The following ARPP21 variants were observed in gnomAD, a reference collection of about 807,000 sequenced individuals.
ARPP21 encodes the protein cAMP regulated phosphoprotein 21.
A neutral mutation model predicts 113.2 loss-of-function variants in ARPP21; 69 were observed. That is an observed-to-expected ratio of 0.61 (90% CI 0.50 to 0.74). The LOEUF (loss-of-function observed/expected upper bound fraction) is 0.74. Among genes scored for constraint, ARPP21 ranks in the 30% least tolerant of loss-of-function variants. ARPP21 has a pLI of 0.00. For synonymous variants in ARPP21, 368 were observed against 375.5 expected (o/e 0.98, Z 0.23); for missense variants, 1,070 against 1,037.4 (o/e 1.03, Z -0.43).
At chr3:35,789,796 T>C (rs1196672269) in intron 19 of ARPP21, among the ~76,000 whole-genome samples, 1 of 152,178 alleles carries the variant, frequency 6.6e-6, no homozygotes, top group Non-Finnish European at 1.5e-5. Context: ...TTAAATATTA[T>C]TTAATATTAA....
intron 3 of ARPP21, chr3:35,682,539 C>A: frequency 3.4e-6 from 1 of 294,518 alleles, no homozygotes; most frequent in South Asian, 1.1e-4. Flanking sequence ...CTTTATATAC[C>A]AACAGTTAAC....
At chr3:35,667,320 G>A (rs2074628266) in intron 1 of ARPP21, among the ~76,000 whole-genome samples, 1 of 152,172 alleles carries the variant, frequency 6.6e-6, no homozygotes, top group Non-Finnish European at 1.5e-5. Flanking sequence ...ATTTGTGGTA[G>A]TGATAATGAT....
At chr3:35,739,073 A>C (rs989865377) in intron 17 of ARPP21, among the ~76,000 whole-genome samples, 1 of 152,334 alleles carries the variant, frequency 6.6e-6, no homozygotes, top group African/African-American at 2.4e-5. Flanking sequence ...TTTCCATTGA[A>C]AGAGAAATAT....
chr3:35,746,362 AAC>A (rs2095048844), intron 19 of ARPP21, among the ~76,000 whole-genome samples: 1 of 152,186 alleles, frequency 6.6e-6, no homozygotes, highest in South Asian at 2.1e-4. Flanking sequence ...TAGGGAGACT[AAC>A]AGAAACTTTC....
chr3:35,713,765 A>T lies in ARPP21; in HGVS notation c.898-1674A>T, dbSNP rs906897276. 2.0e-5 allele frequency among the ~76,000 whole-genome samples: 3 copies of T among 152,146 alleles called. No individual in the cohort carries two copies. The East Asian group carries it at 5.8e-4, about 29-fold the overall frequency. ...GTTTGGGGTTCTTAACTCTCCCCCA[A>T]ATGCTATTAGATTGAGTCTAAAGAG... is the stretch of plus-strand genomic sequence containing the variant. On this transcript the variant is annotated intron_variant, in intron 11 of 20. Transcript: ENST00000684406.
At chr3:35,708,253 A>G (rs2089923873) in intron 10 of ARPP21, among the ~76,000 whole-genome samples, 1 of 152,114 alleles carries the variant, frequency 6.6e-6, no homozygotes, top group Admixed American at 6.6e-5. Context: ...ATGGAAGGAG[A>G]CTTAAGATGC....
Position 35,793,730 on chromosome 3 carries a change from G to A in ARPP21, c.2316G>A (p.Leu772=), listed in dbSNP as rs2096793071. The part of the protein sequence containing the change: ...QVPMTQGSQG[L]PQQSYQQPIM... ...CAATGACCCAGGGTTCTCAAGGACT[G>A]CCCCAGCAGTCATACCAACAGCCAA... is the stretch of plus-strand genomic sequence containing the variant. Residue 772 remains leucine, a synonymous_variant, in exon 21 of 21, where the codon CTG becomes CTA. Coordinates refer to ENST00000684406, the MANE Select transcript of ARPP21 (RefSeq NM_001385562.1). The A allele has an allele frequency of 2.5e-6, 4 of 1,613,656 alleles. No individual in the cohort carries two copies. The African/African-American group carries it at 5.3e-5, about 22-fold the overall frequency.
intron 19 of ARPP21, among the ~76,000 whole-genome samples, chr3:35,744,237 C>T (rs1180385624): frequency 6.6e-6 from 1 of 152,228 alleles, no homozygotes; most frequent in Non-Finnish European, 1.5e-5. Flanking sequence ...GAAAGTCAAC[C>T]ATGTCCGTAC....
intron 9 of ARPP21, among the ~76,000 whole-genome samples, chr3:35,694,545 G>C (rs921625021): frequency 1.3e-5 from 2 of 151,458 alleles, no homozygotes; most frequent in African/African-American, 4.8e-5. Flanking sequence ...CACAAACTGA[G>C]TTTTAGTTTG....
At chr3:35,728,545 TTAA>T (rs1303273997) in intron 14 of ARPP21, among the ~76,000 whole-genome samples, 1 of 151,158 alleles carries the variant, frequency 6.6e-6, no homozygotes, top group Non-Finnish European at 1.5e-5. Context: ...TTTTAAATCC[TTAA>T]TATCTAAAGT....
At chr3:35,714,439 A>G (rs1450126101) in intron 11 of ARPP21, among the ~76,000 whole-genome samples, 7 of 152,146 alleles carry the variant, frequency 4.6e-5, no homozygotes, top group Non-Finnish European at 1.0e-4. Flanking sequence ...TTACTTCTTT[A>G]GTTTTATTTT....
At chr3:35,712,481 T>G (rs2150106180) in intron 11 of ARPP21, among the ~76,000 whole-genome samples, 1 of 152,006 alleles carries the variant, frequency 6.6e-6, no homozygotes, top group African/African-American at 2.4e-5. Flanking sequence ...CATTCTTGAA[T>G]ATTTTCCAAA....
intron 10 of ARPP21, among the ~76,000 whole-genome samples, chr3:35,708,471 T>C (rs2090000553): frequency 6.6e-6 from 1 of 152,236 alleles, no homozygotes; most frequent in Admixed American, 6.5e-5. Context: ...AGAAATAATG[T>C]CCACATCTTC....
At chr3:35,712,509 G>GGTGTGTGTGT (rs1368619808) in intron 11 of ARPP21, among the ~76,000 whole-genome samples, 2 of 108,448 alleles carry the variant, frequency 1.8e-5, no homozygotes, top group African/African-American at 7.9e-5. Context: ...TGGTGTCTAA[G>GGTGTGTGTGT]GTGTCTGTGT....
intron 4 of ARPP21, 114 bp downstream of exon 4, chr3:35,683,003 G>A (rs2079427882): frequency 2.0e-6 from 2 of 1,023,372 alleles, no homozygotes; most frequent in South Asian, 1.7e-5. Context: ...GATATTGTGG[G>A]GCATCTCGGC....
intron 19 of ARPP21, among the ~76,000 whole-genome samples, chr3:35,784,017 C>T (rs1274591907): frequency 2.0e-5 from 3 of 152,100 alleles, no homozygotes; most frequent in African/African-American, 7.2e-5. Flanking sequence ...TCCCTACACA[C>T]AATAGAAGTA....
chr3:35,793,928 G>T lies in ARPP21; in HGVS notation c.2514G>T (p.Met838Ile). 1 of 1,614,054 alleles carries T rather than the reference G, an allele frequency of 6.2e-7. No homozygotes were observed. The highest frequency in any genetic ancestry group is 1.1e-5 in the South Asian group (1 of 91,082). ...SASCRTNCAS[M>I]SNAGWQVKF is the part of the protein sequence containing the mutation. ...GCTGCAGAACAAACTGTGCAAGTAT[G>T]AGCAATGCTGGTTGGCAGGTCAAAT... The change falls in exon 21 of 21, where the codon ATG (methionine) becomes ATT (isoleucine). Residue 838 changes from methionine (M) to isoleucine (I), a missense_variant. Coordinates refer to ENST00000684406, the MANE Select transcript of ARPP21 (RefSeq NM_001385562.1).
chr3:35,750,017 G>A (rs923115745), intron 19 of ARPP21, among the ~76,000 whole-genome samples: 2 of 150,460 alleles, frequency 1.3e-5, no homozygotes, highest in African/African-American at 4.9e-5. Flanking sequence ...CTGTTTCATT[G>A]ATTTTTCTAT....
intron 1 of ARPP21, among the ~76,000 whole-genome samples, chr3:35,677,459 G>C (rs540857681): frequency 1.4e-4 from 21 of 151,874 alleles, no homozygotes; most frequent in Non-Finnish European, 2.2e-4. Flanking sequence ...AAGAAACAGC[G>C]TGAATATAAA....
Sources: gnomAD v4.1 joint callset for allele counts (sites outside exome capture counted in the v4.1 genomes callset) on GRCh38, gnomAD v4.1.1 for gene constraint, MANE v1.5 for transcripts, NCBI Gene and HGNC (gene_info 2026-07-23, HGNC 2026-07-21) for gene names.